Variants in PHLDB1 observed in about 807,000 individuals in gnomAD.
The protein encoded by PHLDB1 is pleckstrin homology-like domain family B member 1.
In PHLDB1, 65 loss-of-function variants were observed where a neutral mutation model predicts 139.3. That is an observed-to-expected ratio of 0.47 (90% CI 0.38 to 0.57). The LOEUF is 0.57. Among genes scored for constraint, PHLDB1 ranks in the 20% least tolerant of loss-of-function variants. The pLI, the probability that PHLDB1 is intolerant of heterozygous loss-of-function variation, is 0.00. For synonymous variants in PHLDB1, 679 were observed against 734.5 expected (o/e 0.92, Z 1.22); for missense variants, 1,624 against 1,839.7 (o/e 0.88, Z 2.14).
chr11:118,627,333 C>T lies in PHLDB1; in HGVS notation c.510C>T (p.Asn170=). 1 of 1,613,946 alleles carries T rather than the reference C, an allele frequency of 6.2e-7. No individual in the cohort carries two copies. Among genetic ancestry groups the T allele is most frequent in the Non-Finnish European group, 8.5e-7 (1 of 1,179,950 alleles). The change falls in exon 6 of 23, where the codon AAC becomes AAT. Residue 170 remains asparagine, a synonymous_variant. Coordinates refer to ENST00000600882, the MANE Select transcript of PHLDB1 (RefSeq NM_001144758.3). ...AATCAGAAAGTCTGGTAAATGGGAA[C>T]CACACCCCACAGACTGCAACACGGG... The part of the protein sequence containing the change: ...PAESESLVNG[N]HTPQTATRGP...
Position 118,657,138 on chromosome 11 carries a change from A to G in PHLDB1, c.*315A>G, listed in dbSNP as rs1949151487. On this transcript the variant is annotated 3_prime_UTR_variant, in exon 23 of 23. Coordinates refer to ENST00000600882, the MANE Select transcript of PHLDB1 (RefSeq NM_001144758.3). ...ATTATGGTACCATAAGCTGCCAAAG[A>G]TCCCCTCCTGCCTCAGACCCCTTTG... 4.7e-6 allele frequency: 1 copy of G among 212,484 alleles called. No individual in the cohort carries two copies. The allele number at this position is 212,484 out of a possible 1,614,324, so 13.2% of individuals were successfully genotyped here. A position where few individuals can be genotyped will look rare whatever the true frequency, so the allele number is the denominator to read the frequency against.
intron 12 of PHLDB1, 116 bp downstream of exon 12, chr11:118,639,367 TG>T: frequency 1.3e-6 from 1 of 751,892 alleles, no homozygotes; most frequent in Non-Finnish European, 2.4e-6. Context: ...TCTTCCTGAA[TG>T]GGAGAGATTT....
In PHLDB1 at chr11:118,628,232, C is replaced by G; in HGVS notation, c.1409C>G (p.Ser470Cys). Residue 470 changes from serine to cysteine, a missense_variant, in exon 6 of 23, where the codon TCC becomes TGC. Coordinates refer to ENST00000600882, the MANE Select transcript of PHLDB1 (RefSeq NM_001144758.3). ...CCATCTCTGTCCCGGCGAGCTCTCT[C>G]CCCGCTGCCCACCCGGACCACCCCA... ...LSPSLSRRAL[S>C]PLPTRTTPDP... is the part of the protein sequence containing the mutation. 6.2e-7 allele frequency: 1 copy of G among 1,614,152 alleles called. No individual in the cohort carries two copies. The highest frequency in any genetic ancestry group is 8.5e-7 in the Non-Finnish European group (1 of 1,180,004).
Position 118,655,606 on chromosome 11 carries a change from C to A in PHLDB1, c.3876C>A (p.Asp1292Glu). Residue 1292 changes from aspartate to glutamate, a missense_variant and splice_region_variant, in exon 21 of 23, where the codon GAC becomes GAA. Transcript: ENST00000600882. ...RLKRTLSYYV[D>E]KHETKLKGVI... Reference sequence around the variant, plus strand: ...AGCCCACCCTTACTTGCTTTGCAGACAAGCATGAGACGAAGCTGAAGGGAG... The same window carrying A: ...AGCCCACCCTTACTTGCTTTGCAGAAAAGCATGAGACGAAGCTGAAGGGAG... The A allele has an allele frequency of 6.2e-7, 1 of 1,607,912 alleles. No homozygotes were observed. The highest frequency in any genetic ancestry group is 8.5e-7 in the Non-Finnish European group (1 of 1,174,544).
chr11:118,613,735 T>G, intron 1 of PHLDB1, 81 bp from the exon 2 acceptor site: 4 of 828,490 alleles, frequency 4.8e-6, no homozygotes, highest in Non-Finnish European at 7.9e-6. Flanking sequence ...ACCTCTGCCC[T>G]GAGAACCCTG....
chr11:118,612,026 T>TCAC (rs1370037284), intron 1 of PHLDB1, among the ~76,000 whole-genome samples: 2 of 151,486 alleles, frequency 1.3e-5, no homozygotes, highest in African/African-American at 4.9e-5. Flanking sequence ...AGCCATGCAA[T>TCAC]CATCACAATT....
chr11:118,646,286 A>AAAAG (rs1947518793), intron 17 of PHLDB1: 1 of 154,988 alleles, frequency 6.5e-6, no homozygotes, highest in Admixed American at 6.2e-5. Context: ...AAAAAAAAAA[A>AAAAG]GGTTGTATTC....
intron 17 of PHLDB1, 33 bp from the exon 18 acceptor site, chr11:118,647,897 C>T (rs1947770003): frequency 2.6e-6 from 4 of 1,549,150 alleles, no homozygotes; most frequent in Non-Finnish European, 3.5e-6. Flanking sequence ...AAGAGGATGG[C>T]CATAGGTGCT....
At position 118,627,840 on chromosome 11, in the gene PHLDB1, C is replaced by G; in HGVS notation, c.1017C>G (p.Val339=). The change falls in exon 6 of 23, where the codon GTC becomes GTG. Residue 339 remains valine, a synonymous_variant. Coordinates refer to ENST00000600882, the MANE Select transcript of PHLDB1 (RefSeq NM_001144758.3). The stretch of plus-strand genomic sequence containing the variant: ...TGACAGACAGCCCTGCAGCTACTGT[C>G]TTGGCGGAGGCCCGGAGAGCCACTG... ...GLLTDSPAAT[V]LAEARRATES... is the part of the protein sequence containing the mutation. The G allele has an allele frequency of 6.2e-7, 1 of 1,607,364 alleles. No homozygotes were observed. Among genetic ancestry groups the G allele is most frequent in the Non-Finnish European group, 8.5e-7 (1 of 1,179,806 alleles).
At chr11:118,630,246 A>G (rs680465) in intron 6 of PHLDB1, among the ~76,000 whole-genome samples, 132,015 of 152,138 alleles carry the variant, frequency 0.87, 57,734 homozygotes, top group East Asian at 1. Context: ...GCCTGCGGGA[A>G]AAGGCAACAA....
At chr11:118,652,618 A>C (rs2137051497) in intron 20 of PHLDB1, 1 of 152,360 alleles carries the variant, frequency 6.6e-6, no homozygotes, top group East Asian at 1.9e-4. Flanking sequence ...AGAGAGGTTA[A>C]GTAAATTGCC....
In PHLDB1 at chr11:118,656,584, C is replaced by T; in HGVS notation, c.3994-99C>T. The T allele has an allele frequency of 2.5e-6, 3 of 1,220,574 alleles. No individual in the cohort carries two copies. In the South Asian group the frequency reaches 4.2e-5, roughly 17 times the overall value. The allele number at this position is 1,220,574 out of a possible 1,614,324, so 75.6% of individuals were successfully genotyped here. A position where few individuals can be genotyped will look rare whatever the true frequency, so the allele number is the denominator to read the frequency against. ...ATTTAGGACTAAGCTCCAGGGCTTT[C>T]TAGGGGCTGGGAGGGGAAAGGGCAG... On this transcript the variant is annotated intron_variant, in intron 22 of 22. Coordinates refer to ENST00000600882, the MANE Select transcript of PHLDB1 (RefSeq NM_001144758.3).
intron 4 of PHLDB1, among the ~76,000 whole-genome samples, chr11:118,616,502 C>T (rs920777598): frequency 2.0e-5 from 3 of 152,048 alleles, no homozygotes; most frequent in South Asian, 2.1e-4. Flanking sequence ...GGCATGATGG[C>T]GTTGTTAATG....
chr11:118,615,709 C>A, intron 3 of PHLDB1: 1 of 275,552 alleles, frequency 3.6e-6, no homozygotes. Context: ...GGATAAAGGA[C>A]AATAGGGAGA....
chr11:118,635,272 G>C, intron 9 of PHLDB1, 121 bp from the exon 10 acceptor site: 1 of 1,184,474 alleles, frequency 8.4e-7, no homozygotes, highest in Non-Finnish European at 1.2e-6. Flanking sequence ...GGGGGAGGCA[G>C]GTTTCTTACC....
chr11:118,629,736 C>T (rs536064254), intron 6 of PHLDB1, among the ~76,000 whole-genome samples: 7 of 152,264 alleles, frequency 4.6e-5, no homozygotes, highest in South Asian at 2.1e-4. Flanking sequence ...TTGGTCTAGA[C>T]GGGAATGCAT....
chr11:118,642,344 CCTCA>C lies in PHLDB1; in HGVS notation c.2831_2834del (p.His944LeufsTer91). The C allele has an allele frequency of 6.2e-7, 1 of 1,611,764 alleles. No homozygotes were observed. Among genetic ancestry groups the C allele is most frequent in the Non-Finnish European group, 8.5e-7 (1 of 1,179,968 alleles). ...GGGGACTGGCCCCGCTGCAGCCTCC[CCTCA>C]CTCTTCTCCCCCGCCTCTGCCCGCC... On this transcript the variant is annotated frameshift_variant, in exon 13 of 23. Coordinates refer to ENST00000600882, the MANE Select transcript of PHLDB1 (RefSeq NM_001144758.3). LOFTEE classifies it high-confidence loss of function.
chr11:118,609,449 C>T (rs377767067), intron 1 of PHLDB1, among the ~76,000 whole-genome samples: 3 of 144,318 alleles, frequency 2.1e-5, no homozygotes, highest in African/African-American at 7.7e-5. Flanking sequence ...ACACGCAGCC[C>T]GTCACACAGC....
At chr11:118,652,757 G>A (rs1472561770) in intron 20 of PHLDB1, 1 of 152,700 alleles carries the variant, frequency 6.5e-6, no homozygotes, top group African/African-American at 2.4e-5. Flanking sequence ...AGGAGAAAGA[G>A]GAGAGACCAG....
Sources: gnomAD v4.1 joint callset for allele counts (sites outside exome capture counted in the v4.1 genomes callset) on GRCh38, gnomAD v4.1.1 for gene constraint, MANE v1.5 for transcripts, NCBI Gene and HGNC (gene_info 2026-07-23, HGNC 2026-07-21) for gene names.